Variants in ZDHHC7 observed in about 807,000 individuals in gnomAD.
The protein encoded by ZDHHC7 is palmitoyltransferase ZDHHC7.
A neutral mutation model predicts 34.1 loss-of-function variants in ZDHHC7; 12 were observed. The observed-to-expected ratio is 0.35, with a 90% CI of 0.23 to 0.57. The LOEUF (loss-of-function observed/expected upper bound fraction) is 0.57. Ranked by LOEUF, ZDHHC7 falls within the 20% of genes least tolerant of loss-of-function variation. The probability of loss-of-function intolerance (pLI) is 0.84; values close to 1 mark genes in which losing one functional copy is unlikely to be tolerated. For synonymous variants in ZDHHC7, 185 were observed against 155.4 expected, an observed-to-expected ratio of 1.19 and a Z score of -1.42; for missense variants, 388 against 402.7, an observed-to-expected ratio of 0.96 and a Z score of 0.31.
intron 3 of ZDHHC7, among the ~76,000 whole-genome samples, chr16:84,984,811 A>G (rs1459894981): frequency 6.6e-6 from 1 of 152,114 alleles, no homozygotes. Context: ...TCTATCACCT[A>G]CATTTTCATC....
At chr16:85,007,345 C>G (rs2072731040) in intron 1 of ZDHHC7, among the ~76,000 whole-genome samples, 1 of 150,946 alleles carries the variant, frequency 6.6e-6, no homozygotes, top group South Asian at 2.1e-4. Flanking sequence ...ACCGCTTGAA[C>G]CTGGGAGGCG....
the ZDHHC7 span, among the ~76,000 whole-genome samples, chr16:85,019,243 A>G: frequency 6.6e-6 from 1 of 152,038 alleles, no homozygotes; most frequent in African/African-American, 2.4e-5. Context: ...CTCACGTCTC[A>G]CCTGTATCCT....
At position 84,976,340 on chromosome 16, in the gene ZDHHC7, G is replaced by C. The variant is rs761380680; in HGVS notation, c.*3C>G. On this transcript the variant is annotated 3_prime_UTR_variant, in exon 8 of 8. Transcript: ENST00000313732. ...AGCAAGTTTCAGTCTGATGAGCCACGCCTCACACTGAGAACTCCGGGCCAC... is the reference window on the plus strand; with the variant it reads ...AGCAAGTTTCAGTCTGATGAGCCACCCCTCACACTGAGAACTCCGGGCCAC... 2.0e-5 allele frequency: 33 copies of C among 1,613,568 alleles called. No individual in the cohort carries two copies. In the Admixed American group the frequency reaches 3.7e-4, roughly 18 times the overall value.
intron 5 of ZDHHC7, 116 bp from the exon 6 acceptor site, chr16:84,978,121 T>G: frequency 5.9e-6 from 4 of 680,244 alleles, no homozygotes; most frequent in Non-Finnish European, 9.6e-6. Flanking sequence ...CACTGCAACC[T>G]CCGCCTGCCA....
At chr16:85,004,208 C>T (rs2072688687) in intron 1 of ZDHHC7, among the ~76,000 whole-genome samples, 2 of 151,926 alleles carry the variant, frequency 1.3e-5, no homozygotes, top group African/African-American at 2.4e-5. Context: ...AAAAAGGCCC[C>T]GCCCTTCATG....
chr16:85,023,591 A>G, the ZDHHC7 span, among the ~76,000 whole-genome samples: 4 of 152,094 alleles, frequency 2.6e-5, no homozygotes, highest in African/African-American at 4.8e-5. Flanking sequence ...GTATAGTTGT[A>G]TTTTGGACTC....
chr16:84,993,353 T>C (rs958139405), intron 2 of ZDHHC7, among the ~76,000 whole-genome samples: 4 of 152,110 alleles, frequency 2.6e-5, no homozygotes, highest in African/African-American at 9.7e-5. Flanking sequence ...TGCTTAAGGC[T>C]GAGTGTGGTG....
chr16:84,976,637 G>A, intron 7 of ZDHHC7, 118 bp from the exon 8 acceptor site: 1 of 1,344,782 alleles, frequency 7.4e-7, no homozygotes, highest in Non-Finnish European at 1.0e-6. Context: ...GTAGGTGAGT[G>A]AACTCTCCTT....
intron 1 of ZDHHC7, among the ~76,000 whole-genome samples, chr16:85,010,293 A>T (rs549303850): frequency 2.2e-4 from 34 of 152,136 alleles, no homozygotes; most frequent in Non-Finnish European, 4.3e-4. Context: ...AAGCGCTGGG[A>T]TTACAGGCAT....
At chr16:84,992,882 C>T (rs1048111693) in intron 2 of ZDHHC7, among the ~76,000 whole-genome samples, 1 of 152,118 alleles carries the variant, frequency 6.6e-6, no homozygotes, top group Non-Finnish European at 1.5e-5. Context: ...ATTATGAAAA[C>T]ATTTGCCGAA....
chr16:84,998,748 C>T (rs555627219), intron 1 of ZDHHC7, among the ~76,000 whole-genome samples: 1 of 144,084 alleles, frequency 6.9e-6, no homozygotes, highest in Non-Finnish European at 1.5e-5. Flanking sequence ...CCCTTCTGAA[C>T]CTTTTTTTTT....
In ZDHHC7 at chr16:84,977,152, G is replaced by T; in HGVS notation, c.693C>A (p.Phe231Leu). 1 of 1,614,198 alleles carries T rather than the reference G, an allele frequency of 6.2e-7. No homozygotes were observed. The highest frequency in any genetic ancestry group is 8.5e-7 in the Non-Finnish European group (1 of 1,180,030). The change falls in exon 7 of 8, where the codon TTC becomes TTA. Residue 231 changes from phenylalanine to leucine, a missense_variant. Phe to Leu is a conservative substitution (Grantham distance 22, BLOSUM62 0). Transcript: ENST00000313732. ...IFLCLEGLLF[F>L]TFTAVMFGTQ... is the part of the protein sequence containing the mutation. ...TGCCAAACATAACTGCAGTGAAAGT[G>T]AAAAACAGAAGACCCTCAAGGCACA... is the stretch of plus-strand genomic sequence containing the variant.
chr16:85,004,203 G>A (rs2072688578), intron 1 of ZDHHC7, among the ~76,000 whole-genome samples: 1 of 151,462 alleles, frequency 6.6e-6, no homozygotes, highest in African/African-American at 2.4e-5. Context: ...CAAAAAAAAA[G>A]GCCCCGCCCT....
chr16:84,992,535 C>T (rs559240927), intron 2 of ZDHHC7, among the ~76,000 whole-genome samples: 10 of 152,174 alleles, frequency 6.6e-5, no homozygotes, highest in East Asian at 1.9e-4. Flanking sequence ...TTTGATTGTA[C>T]GCCCTTCTCT....
chr16:85,001,054 C>A (rs2072645955), intron 1 of ZDHHC7, among the ~76,000 whole-genome samples: 1 of 152,122 alleles, frequency 6.6e-6, no homozygotes, highest in Admixed American at 6.5e-5. Flanking sequence ...GGAATGTGAC[C>A]AGAAGGACAA....
chr16:85,003,328 C>G (rs1316383700), intron 1 of ZDHHC7, among the ~76,000 whole-genome samples: 2 of 152,170 alleles, frequency 1.3e-5, no homozygotes, highest in African/African-American at 2.4e-5. Context: ...CCAGGTATGC[C>G]ACCAGCCCGG....
At chr16:85,010,048 T>TTC (rs1299007016) in intron 1 of ZDHHC7, among the ~76,000 whole-genome samples, 4 of 150,398 alleles carry the variant, frequency 2.7e-5, no homozygotes, top group Non-Finnish European at 4.4e-5. Flanking sequence ...AAAGTGACTT[T>TTC]TTTTTTTTTT....
chr16:85,021,788 G>C, the ZDHHC7 span, among the ~76,000 whole-genome samples: 2 of 151,850 alleles, frequency 1.3e-5, no homozygotes, highest in Non-Finnish European at 2.9e-5. Flanking sequence ...AGAGGAGAGA[G>C]AGAAGAGGGG....
the ZDHHC7 span, among the ~76,000 whole-genome samples, chr16:85,027,358 G>T: frequency 6.6e-6 from 1 of 152,140 alleles, no homozygotes; most frequent in South Asian, 2.1e-4. Context: ...CGTAACTAGG[G>T]GATAGGGAGG....
Sources: allele counts gnomAD v4.1 joint callset (sites outside exome capture counted in the v4.1 genomes callset), GRCh38; gene constraint gnomAD v4.1.1; transcripts MANE v1.5; gene names NCBI Gene and HGNC (gene_info 2026-07-23, HGNC 2026-07-21).